Variants in ZFHX3 observed in about 807,000 individuals in gnomAD.
The protein encoded by ZFHX3 is zinc finger homeobox protein 3.
ZFHX3 carries 42 observed loss-of-function variants against 279.1 expected under a neutral mutation model. The ratio of observed to expected loss-of-function variants is 0.15; its 90% CI spans 0.12 to 0.19. The LOEUF (loss-of-function observed/expected upper bound fraction) is 0.19, where lower values mean the gene tolerates loss of function less well. Among genes scored for constraint, ZFHX3 ranks in the 10% least tolerant of loss-of-function variants. The pLI is 1.00. For missense variants in ZFHX3, 4,981 were observed against 4,754.0 expected, an observed-to-expected ratio of 1.05 and a Z score of -1.40; for synonymous variants, 2,293 against 1,957.8, an observed-to-expected ratio of 1.17 and a Z score of -4.52.
intron 1 of ZFHX3, among the ~76,000 whole-genome samples, chr16:73,690,286 C>G (rs1485796403): frequency 6.6e-6 from 1 of 152,186 alleles, no homozygotes; most frequent in Non-Finnish European, 1.5e-5. Context: ...CTGTTCGTAT[C>G]TTAGCATCCA....
rs147470003 is a variant in ZFHX3, at chr16:73,735,424, C to A, written c.-1607-55184G>T. 4.8e-3 allele frequency among the ~76,000 whole-genome samples: 734 copies of A among 151,526 alleles called. 9 individuals are homozygous for A. The highest frequency in any genetic ancestry group is 0.016 in the African/African-American group (670 of 41,310). On this transcript the variant is annotated intron_variant, in intron 1 of 17. Coordinates refer to the ZFHX3 transcript ENST00000641206. ...AAAAGAACTCCCCATTCTCCCCTCT[C>A]CCCAGTCCTTGGTAACCGCCATCAT...
chr16:73,044,148 T>C (rs536641447), intron 1 of ZFHX3, among the ~76,000 whole-genome samples: 9 of 110,942 alleles, frequency 8.1e-5, no homozygotes, highest in African/African-American at 3.8e-4. Flanking sequence ...CCCCTGACCA[T>C]AGTTTTTTAA....
intron 7 of ZFHX3, among the ~76,000 whole-genome samples, chr16:73,099,728 AAGAG>A (rs59552597): frequency 2.7e-5 from 4 of 147,218 alleles, no homozygotes; most frequent in Non-Finnish European, 4.5e-5. Context: ...AAAAAAAAAA[AAGAG>A]AGAGAGAAAT....
chr16:73,210,919 G>T (rs2011993024), intron 5 of ZFHX3, among the ~76,000 whole-genome samples: 1 of 152,112 alleles, frequency 6.6e-6, no homozygotes, highest in African/African-American at 2.4e-5. Context: ...GCCTTCCAAT[G>T]ATTGAATGAT....
chr16:72,855,034 A>G (rs1031711485), intron 4 of ZFHX3, among the ~76,000 whole-genome samples: 4 of 152,102 alleles, frequency 2.6e-5, no homozygotes, highest in African/African-American at 9.7e-5. Context: ...AAAATACTCT[A>G]CTGTACGCAG....
At chr16:73,326,497 A>G (rs2015691644) in intron 3 of ZFHX3, among the ~76,000 whole-genome samples, 1 of 152,244 alleles carries the variant, frequency 6.6e-6, no homozygotes, top group Admixed American at 6.5e-5. Context: ...CCTAAGTGAA[A>G]GAAGCCAGAC....
chr16:73,115,438 A>C (rs1024065461), intron 7 of ZFHX3, among the ~76,000 whole-genome samples: 2 of 150,824 alleles, frequency 1.3e-5, no homozygotes, highest in Non-Finnish European at 2.9e-5. Flanking sequence ...AGTCCCAGCT[A>C]TTTGGGAGAC....
At chr16:73,076,893 G>GCACACACACACAAACACA (rs146463106) in intron 8 of ZFHX3, among the ~76,000 whole-genome samples, 16 of 149,864 alleles carry the variant, frequency 1.1e-4, no homozygotes, top group African/African-American at 3.9e-4. Flanking sequence ...ATATGTATAC[G>GCACACACACACAAACACA]CACACACACA....
chr16:73,552,698 T>C lies in ZFHX3; in HGVS notation c.-1546-96440A>G, dbSNP rs150986894. Among the ~76,000 whole-genome samples the C allele has an allele frequency of 5.3e-5, 8 of 151,122 alleles. No homozygotes were observed. In the East Asian group the frequency reaches 1.5e-3, roughly 29 times the overall value. ...ACTCTGTTCTCAGAGGACATGAGTG[T>C]AAATGAGGGAAGAAAGGCATTTTGT... On this transcript the variant is annotated intron_variant, in intron 2 of 17. Transcript: ENST00000641206.
chr16:73,586,138 C>A (rs149145095), intron 2 of ZFHX3, among the ~76,000 whole-genome samples: 6,669 of 152,128 alleles, frequency 0.044, 189 homozygotes, highest in South Asian at 0.087. Context: ...CCTATAATCC[C>A]AGCACTTTGG....
intron 1 of ZFHX3, among the ~76,000 whole-genome samples, chr16:73,834,240 A>G (rs992004405): frequency 6.6e-6 from 1 of 152,106 alleles, no homozygotes; most frequent in Admixed American, 6.5e-5. Flanking sequence ...TCTTCATCTC[A>G]TGGTGTAATA....
intron 4 of ZFHX3, among the ~76,000 whole-genome samples, chr16:73,288,010 A>G (rs2143088117): frequency 6.6e-6 from 1 of 152,196 alleles, no homozygotes; most frequent in East Asian, 1.9e-4. Context: ...CACAGGATAG[A>G]GAGCGTCCCC....
At chr16:73,235,224 C>T (rs2012905976) in intron 5 of ZFHX3, among the ~76,000 whole-genome samples, 1 of 152,066 alleles carries the variant, frequency 6.6e-6, no homozygotes, top group Non-Finnish European at 1.5e-5. Context: ...TGCCCACCAC[C>T]ACGCCTGGCA....
chr16:73,250,468 A>T (rs993145277), intron 5 of ZFHX3, among the ~76,000 whole-genome samples: 4 of 152,216 alleles, frequency 2.6e-5, no homozygotes, highest in Non-Finnish European at 5.9e-5. Flanking sequence ...ATTCAGTGGC[A>T]TTAATTACAA....
chr16:73,862,008 C>G (rs931353248), intron 1 of ZFHX3, among the ~76,000 whole-genome samples: 2 of 152,146 alleles, frequency 1.3e-5, no homozygotes, highest in African/African-American at 4.8e-5. Flanking sequence ...AGTTAACTAC[C>G]CACCTTCCCA....
At chr16:73,284,235 TG>T in intron 4 of ZFHX3, among the ~76,000 whole-genome samples, 1 of 147,018 alleles carries the variant, frequency 6.8e-6, no homozygotes, top group Non-Finnish European at 1.5e-5. Flanking sequence ...GAGAACTGCT[TG>T]AACTCGGAGG....
intron 3 of ZFHX3, among the ~76,000 whole-genome samples, chr16:73,341,599 T>A (rs1430385150): frequency 6.6e-6 from 1 of 152,188 alleles, no homozygotes; most frequent in Non-Finnish European, 1.5e-5. Flanking sequence ...TGAAAACATC[T>A]GTCCACACAC....
At chr16:73,092,168 T>C (rs1023495468) in intron 8 of ZFHX3, among the ~76,000 whole-genome samples, 1 of 152,200 alleles carries the variant, frequency 6.6e-6, no homozygotes, top group African/African-American at 2.4e-5. Flanking sequence ...AGTGCGTAGT[T>C]GAACCAGACT....
intron 2 of ZFHX3, among the ~76,000 whole-genome samples, chr16:73,526,244 T>C (rs1276943464): frequency 6.6e-6 from 1 of 152,214 alleles, no homozygotes. Context: ...TGATATATTC[T>C]TTCAAGGTCA....
Sources: allele counts gnomAD v4.1 joint callset (sites outside exome capture counted in the v4.1 genomes callset), GRCh38; gene constraint gnomAD v4.1.1; transcripts MANE v1.5; gene names NCBI Gene and HGNC (gene_info 2026-07-23, HGNC 2026-07-21).